Variants in ABCC5 observed in about 807,000 individuals in gnomAD.
ABCC5 encodes the protein ATP binding cassette subfamily C member 5, also known as ATP-binding cassette sub-family C member 5.
Under a neutral mutation model 160.9 loss-of-function variants are expected in ABCC5, and 61 were observed. The ratio of observed to expected loss-of-function variants is 0.38; its 90% CI spans 0.31 to 0.47. The LOEUF (loss-of-function observed/expected upper bound fraction) is 0.47, where lower values mean the gene tolerates loss of function less well. Ranked by LOEUF, ABCC5 falls within the 20% of genes least tolerant of loss-of-function variation. The pLI, the probability that ABCC5 is intolerant of heterozygous loss-of-function variation, is 0.99. For synonymous variants in ABCC5, 666 were observed against 700.6 expected (o/e 0.95, Z 0.78); for missense variants, 1,308 against 1,813.3 (o/e 0.72, Z 5.06).
chr3:183,933,988 A>G (rs556825307), intron 26 of ABCC5, among the ~76,000 whole-genome samples: 7 of 152,304 alleles, frequency 4.6e-5, no homozygotes, highest in Admixed American at 1.3e-4. Context: ...AACTCATCAT[A>G]GGCTTTCTAT....
intron 2 of ABCC5, among the ~76,000 whole-genome samples, chr3:183,992,770 A>G (rs1253373210): frequency 6.6e-6 from 1 of 152,070 alleles, no homozygotes; most frequent in Non-Finnish European, 1.5e-5. Flanking sequence ...GCCTGAGCGA[A>G]AGAGCGAGAC....
At chr3:183,957,096 G>A (rs1377805246) in intron 17 of ABCC5, among the ~76,000 whole-genome samples, 2 of 103,404 alleles carry the variant, frequency 1.9e-5, no homozygotes, top group Admixed American at 9.7e-5. Context: ...ACATCACATC[G>A]GTTACATGCG....
At chr3:183,945,461 C>T (rs754661048) in intron 24 of ABCC5, among the ~76,000 whole-genome samples, 2 of 152,164 alleles carry the variant, frequency 1.3e-5, no homozygotes, top group Admixed American at 6.5e-5. Flanking sequence ...GATGAGGCCA[C>T]GTTTGTCCTG....
At chr3:184,013,108 G>A (rs1009409330) in intron 2 of ABCC5, among the ~76,000 whole-genome samples, 1 of 152,076 alleles carries the variant, frequency 6.6e-6, no homozygotes, top group Non-Finnish European at 1.5e-5. Flanking sequence ...AGGTAAAAAC[G>A]CATCTTCATT....
chr3:183,946,493 C>T (rs1269525286), intron 23 of ABCC5, among the ~76,000 whole-genome samples: 1 of 152,156 alleles, frequency 6.6e-6, no homozygotes, highest in Admixed American at 6.5e-5. Flanking sequence ...AGACACATAT[C>T]TCTGGGGTTC....
At chr3:183,950,390 A>T (rs1715235613) in intron 20 of ABCC5, among the ~76,000 whole-genome samples, 1 of 152,064 alleles carries the variant, frequency 6.6e-6, no homozygotes, top group African/African-American at 2.4e-5. Context: ...AAAGTAACTT[A>T]TGCTTATTTT....
intron 29 of ABCC5, among the ~76,000 whole-genome samples, chr3:183,923,847 C>T (rs557413456): frequency 1.4e-4 from 21 of 152,282 alleles, no homozygotes; most frequent in African/African-American, 4.1e-4. Flanking sequence ...CCCAAGTTCT[C>T]TCAATTCAGC....
At chr3:184,014,163 G>T in intron 2 of ABCC5, 101 bp downstream of exon 2, 1 of 1,142,924 alleles carries the variant, frequency 8.7e-7, no homozygotes, top group Non-Finnish European at 1.2e-6. Context: ...GTGAGCCACC[G>T]CGCCCGGCCA....
intron 2 of ABCC5, among the ~76,000 whole-genome samples, chr3:183,996,998 C>G (rs1720340214): frequency 6.6e-6 from 1 of 152,098 alleles, no homozygotes; most frequent in South Asian, 2.1e-4. Context: ...TTGAAGGAAC[C>G]ACTGTCCTAC....
intron 15 of ABCC5, among the ~76,000 whole-genome samples, chr3:183,962,500 A>G (rs956299742): frequency 1.3e-5 from 2 of 151,610 alleles, no homozygotes; most frequent in Non-Finnish European, 2.9e-5. Context: ...GCCTCGTGAC[A>G]TAGTATAAGG....
In ABCC5 at chr3:183,951,335, C is replaced by T. The variant is rs1299912430; in HGVS notation, c.2944+106G>A. ...GGTGAAAACACCAGCAGTCACTGTG[C>T]TCTCAGGATCTACAGACAGACAGAT... is the stretch of plus-strand genomic sequence containing the variant. On this transcript the variant is annotated intron_variant, in intron 20 of 29. Transcript: ENST00000334444. This position sits in a 1 kb window ranked among gnomAD's most constrained non-coding sequence, Gnocchi z 4.7. The T allele has an allele frequency of 7.0e-7, 1 of 1,432,212 alleles. No individual in the cohort carries two copies. Among genetic ancestry groups the T allele is most frequent in the Middle Eastern group, 1.8e-4 (1 of 5,510 alleles). The allele number at this position is 1,432,212 out of a possible 1,614,324, so 88.7% of individuals were successfully genotyped here.
chr3:183,989,255 A>G lies in ABCC5; in HGVS notation c.258T>C (p.Ser86=). 1.9e-6 allele frequency: 3 copies of G among 1,612,966 alleles called. No individual in the cohort carries two copies. The highest frequency in any genetic ancestry group is 1.3e-5 in the African/African-American group (1 of 74,666). Residue 86 remains serine, a synonymous_variant, in exon 3 of 30, where the codon AGT becomes AGC. Coordinates refer to ENST00000334444, the MANE Select transcript of ABCC5 (RefSeq NM_005688.4). Reference sequence around the variant, plus strand: ...AAGTAGTCCGGATGGGCTTCAGAGCACTCAAGCCATGATGGTACTTTCCCT... The same window carrying G: ...AAGTAGTCCGGATGGGCTTCAGAGCGCTCAAGCCATGATGGTACTTTCCCT... The part of the protein sequence containing the change: ...HPKGKYHHGL[S]ALKPIRTTSK...
At chr3:183,956,568 G>A (rs1198136270) in intron 17 of ABCC5, among the ~76,000 whole-genome samples, 1 of 149,898 alleles carries the variant, frequency 6.7e-6, no homozygotes, top group Non-Finnish European at 1.5e-5. Flanking sequence ...ATGCAGATCA[G>A]TGTGTATATC....
At position 183,971,194 on chromosome 3, in the gene ABCC5, T is replaced by C. The variant is rs569533300; in HGVS notation, c.1761+369A>G. The stretch of plus-strand genomic sequence containing the variant: ...AGTAGCACTGAGAATACCTATCATG[T>C]GCCAGGTATGATGCACAGCCTAGTG... On this transcript the variant is annotated intron_variant, in intron 11 of 29. Transcript: ENST00000334444. Among the ~76,000 whole-genome samples, 21 of 152,338 alleles carry C rather than the reference T, an allele frequency of 1.4e-4. No individual in the cohort carries two copies. In the South Asian group the frequency reaches 4.3e-3, roughly 32 times the overall value.
rs922249379 is a variant in ABCC5 at position 183,949,075 on chromosome 3, T to C, written c.3227+678A>G. Among the ~76,000 whole-genome samples, 5 of 152,212 alleles carry C rather than the reference T, an allele frequency of 3.3e-5. No individual in the cohort carries two copies. The highest frequency in any genetic ancestry group is 1.2e-4 in the African/African-American group (5 of 41,448). ...TACAATATATTAATACACACATCTGTACTCTGCTGTTTCACTAATATATGC... is the reference window on the plus strand; with the variant it reads ...TACAATATATTAATACACACATCTGCACTCTGCTGTTTCACTAATATATGC... On this transcript the variant is annotated intron_variant, in intron 22 of 29. Coordinates refer to ENST00000334444, the MANE Select transcript of ABCC5 (RefSeq NM_005688.4). This position sits in a 1 kb window ranked among gnomAD's most constrained non-coding sequence, Gnocchi z 4.2.
chr3:183,958,167 C>T (rs114026281), intron 17 of ABCC5, among the ~76,000 whole-genome samples: 2,639 of 152,094 alleles, frequency 0.017, 92 homozygotes, highest in African/African-American at 0.061. Context: ...CATGCAGATT[C>T]GTGTGTATAT....
Position 183,988,834 on chromosome 3 carries a change from C to A in ABCC5, c.288-107G>T. 1 of 1,287,222 alleles carries A rather than the reference C, an allele frequency of 7.8e-7. No individual in the cohort carries two copies. Among genetic ancestry groups the A allele is most frequent in the Non-Finnish European group, 1.1e-6 (1 of 946,190 alleles). The allele number at this position is 1,287,222 out of a possible 1,614,324, so 79.7% of individuals were successfully genotyped here. ...ACACAGCTCTTAGCTAAAGACCAGT[C>A]TCCCCAGATGATCTAATCTTAGCCT... On this transcript the variant is annotated intron_variant, in intron 3 of 29. Coordinates refer to ENST00000334444, the MANE Select transcript of ABCC5 (RefSeq NM_005688.4). The surrounding 1 kb of genome is among the most constrained non-coding windows in gnomAD (Gnocchi z 4.4).
chr3:183,925,545 G>A lies in ABCC5; in HGVS notation c.4212+10C>T. 1.2e-6 allele frequency: 2 copies of A among 1,610,066 alleles called. No individual in the cohort carries two copies. The highest frequency in any genetic ancestry group is 1.7e-6 in the Non-Finnish European group (2 of 1,179,036). On this transcript the variant is annotated intron_variant, in intron 29 of 29. Transcript: ENST00000334444. ...ACATGCCAAGCCAAAGTTCCTGAAG[G>A]ACTCGGTACCTGTCCCTGGGCCAGC...
chr3:183,928,936 C>A (rs1275228425), intron 26 of ABCC5, 111 bp from the exon 27 acceptor site: 2 of 814,050 alleles, frequency 2.5e-6, no homozygotes, highest in African/African-American at 1.7e-5. Flanking sequence ...AGACTCCAAA[C>A]CCTGATGGTC....
Sources: allele counts gnomAD v4.1 joint callset (sites outside exome capture counted in the v4.1 genomes callset), GRCh38; gene constraint gnomAD v4.1.1; non-coding constraint Gnocchi (gnomAD v3.1); transcripts MANE v1.5; gene names NCBI Gene and HGNC (gene_info 2026-07-23, HGNC 2026-07-21).